FARP1: variants seen among roughly 807,000 people sequenced by gnomAD.
FARP1 encodes the protein FERM, ARH/RhoGEF and pleckstrin domain protein 1, also known as FERM, ARHGEF and pleckstrin domain-containing protein 1.
A neutral mutation model predicts 128.8 loss-of-function variants in FARP1; 52 were observed. The ratio of observed to expected loss-of-function variants is 0.40; its 90% CI spans 0.32 to 0.51. The LOEUF (loss-of-function observed/expected upper bound fraction) is 0.51. Among genes scored for constraint, FARP1 ranks in the 20% least tolerant of loss-of-function variants. The probability of loss-of-function intolerance (pLI) is 0.45; values close to 1 mark genes in which losing one functional copy is unlikely to be tolerated. For synonymous variants in FARP1, 580 were observed against 551.8 expected (o/e 1.05, Z -0.72); for missense variants, 1,333 against 1,367.9 (o/e 0.97, Z 0.40).
intron 2 of FARP1, among the ~76,000 whole-genome samples, chr13:98,222,579 T>A (rs1262862043): frequency 6.6e-6 from 1 of 151,884 alleles, no homozygotes; most frequent in Non-Finnish European, 1.5e-5. Flanking sequence ...TAATACAACA[T>A]GTTGGCTGTG....
intron 2 of FARP1, among the ~76,000 whole-genome samples, chr13:98,326,543 G>T (rs574414081): frequency 2.6e-5 from 4 of 152,108 alleles, no homozygotes; most frequent in Admixed American, 2.6e-4. Flanking sequence ...TTTTCCACAC[G>T]TGCTGGTTCC....
At chr13:98,365,482 C>T in intron 4 of FARP1, 45 bp downstream of exon 4, 1 of 1,389,380 alleles carries the variant, frequency 7.2e-7, no homozygotes, top group Non-Finnish European at 1.0e-6. Flanking sequence ...AATCTGAAGC[C>T]AGACAGTTTC....
At chr13:98,408,713 A>G (rs777864584) in intron 13 of FARP1, among the ~76,000 whole-genome samples, 2 of 152,214 alleles carry the variant, frequency 1.3e-5, no homozygotes, top group Non-Finnish European at 2.9e-5. Flanking sequence ...TTGTGATAAT[A>G]TAATGACGTC....
chr13:98,148,090 A>G (rs1214679930), intron 1 of FARP1, among the ~76,000 whole-genome samples: 2 of 152,224 alleles, frequency 1.3e-5, no homozygotes, highest in African/African-American at 2.4e-5. Context: ...TTTTCAAAAA[A>G]AAAGACAATA....
chr13:98,209,854 C>A (rs148798980), intron 1 of FARP1, among the ~76,000 whole-genome samples: 4 of 140,746 alleles, frequency 2.8e-5, no homozygotes, highest in African/African-American at 7.9e-5. Flanking sequence ...TGGTGGTGCA[C>A]GCCTGTAATC....
At chr13:98,214,381 A>G (rs746431936) in intron 2 of FARP1, among the ~76,000 whole-genome samples, 15 of 152,012 alleles carry the variant, frequency 9.9e-5, no homozygotes, top group Non-Finnish European at 1.8e-4. Context: ...TGGAGTATCA[A>G]ATACCATGTC....
intron 3 of FARP1, among the ~76,000 whole-genome samples, chr13:98,349,669 A>AGG (rs748698211): frequency 6.2e-5 from 6 of 97,088 alleles, no homozygotes; most frequent in African/African-American, 2.2e-4. Flanking sequence ...GACCCATCTC[A>AGG]GGGAAAAAAA....
intron 1 of FARP1, among the ~76,000 whole-genome samples, chr13:98,168,559 T>A (rs1877441291): frequency 6.6e-6 from 1 of 152,190 alleles, no homozygotes; most frequent in African/African-American, 2.4e-5. Flanking sequence ...TGTAATCTAC[T>A]GGGGGGGTTC....
chr13:98,144,454 C>T lies in FARP1; in HGVS notation c.-24+962C>T, dbSNP rs76286554. On this transcript the variant is annotated intron_variant, in intron 1 of 26. Transcript: ENST00000319562. ...GCCTCGGCCTCCCTGTCTCTCCCAG[C>T]CCTGGGGAGTACCGGTGGCCTCTGG... Among the ~76,000 whole-genome samples, 12 of 152,286 alleles carry T rather than the reference C, an allele frequency of 7.9e-5. No homozygotes were observed. The East Asian group carries it at 2.3e-3, about 29-fold the overall frequency.
At chr13:98,293,594 C>G (rs1885540198) in intron 2 of FARP1, among the ~76,000 whole-genome samples, 1 of 152,104 alleles carries the variant, frequency 6.6e-6, no homozygotes, top group Non-Finnish European at 1.5e-5. Context: ...GGGATACTGT[C>G]AACAATATGT....
chr13:98,142,841 G>C (rs1290924895), upstream of FARP1: 1 of 152,136 alleles, frequency 6.6e-6, no homozygotes, highest in Non-Finnish European at 1.5e-5. Flanking sequence ...CGCTGCATTA[G>C]GTAGCGCCGC....
intron 8 of FARP1, among the ~76,000 whole-genome samples, chr13:98,387,493 G>A (rs1890139471): frequency 6.6e-6 from 1 of 152,316 alleles, no homozygotes; most frequent in East Asian, 1.9e-4. Flanking sequence ...TGCAAAGCCT[G>A]TGTCTCGGAA....
chr13:98,410,148 G>A (rs181417649), intron 14 of FARP1, among the ~76,000 whole-genome samples: 36 of 152,326 alleles, frequency 2.4e-4, no homozygotes, highest in African/African-American at 7.2e-4. Flanking sequence ...GCAAAATGGC[G>A]GACAACAGGC....
intron 3 of FARP1, among the ~76,000 whole-genome samples, chr13:98,360,544 G>C (rs1194918360): frequency 2.0e-5 from 3 of 152,194 alleles, no homozygotes; most frequent in Non-Finnish European, 4.4e-5. Context: ...CAGAAGCCAG[G>C]GATGGGGGCT....
At chr13:98,420,291 G>A (rs1259305573) in intron 16 of FARP1, among the ~76,000 whole-genome samples, 3 of 152,138 alleles carry the variant, frequency 2.0e-5, no homozygotes, top group African/African-American at 2.4e-5. Context: ...GACAAAACTC[G>A]TCATACAGGC....
At chr13:98,244,173 A>G (rs190140895) in intron 2 of FARP1, among the ~76,000 whole-genome samples, 123 of 152,334 alleles carry the variant, frequency 8.1e-4, no homozygotes, top group Non-Finnish European at 4.6e-4. Context: ...ATTGGGTACA[A>G]TTAGTGATGA....
At chr13:98,266,773 A>AG (rs1884136829) in intron 2 of FARP1, among the ~76,000 whole-genome samples, 1 of 152,152 alleles carries the variant, frequency 6.6e-6, no homozygotes, top group African/African-American at 2.4e-5. Flanking sequence ...GCATTTTGGG[A>AG]GGCAGAGGTG....
At chr13:98,388,532 C>A in intron 9 of FARP1, 54 bp downstream of exon 9, 1 of 1,352,720 alleles carries the variant, frequency 7.4e-7, no homozygotes, top group Non-Finnish European at 1.1e-6. Flanking sequence ...TGGCGTGTGT[C>A]CTGCAAGGGG....
rs1179651355 is a variant in FARP1, at chr13:98,144,660, T to TG, written c.-24+1169dup. ...TTAATGTGCTTTGCACGTGGTGACT[T>TG]GCGGAGCCCATTTCAGAACATCCTC... On this transcript the variant is annotated intron_variant, in intron 1 of 26. Transcript: ENST00000319562. Among the ~76,000 whole-genome samples the TG allele has an allele frequency of 2.0e-5, 3 of 152,186 alleles. No individual in the cohort carries two copies. The East Asian group carries it at 5.8e-4, about 29-fold the overall frequency.
Sources: allele counts gnomAD v4.1 joint callset (sites outside exome capture counted in the v4.1 genomes callset), GRCh38; gene constraint gnomAD v4.1.1; transcripts MANE v1.5; gene names NCBI Gene and HGNC (gene_info 2026-07-23, HGNC 2026-07-21).